TBC1D5: variants seen among roughly 807,000 people sequenced by gnomAD.
The protein encoded by TBC1D5 is TBC1 domain family member 5.
TBC1D5 carries 75 observed loss-of-function variants against 100.3 expected under a neutral mutation model. The ratio of observed to expected loss-of-function variants is 0.75; its 90% CI spans 0.62 to 0.91. The LOEUF is 0.91. TBC1D5 is among the 40% of genes least tolerant of loss of function. The pLI is 0.00. For synonymous variants in TBC1D5, 323 were observed against 325.6 expected (o/e 0.99, Z 0.09); for missense variants, 910 against 942.4 (o/e 0.97, Z 0.45).
chr3:17,382,897 G>T (rs183433311), intron 9 of TBC1D5, among the ~76,000 whole-genome samples: 1 of 151,802 alleles, frequency 6.6e-6, no homozygotes, highest in African/African-American at 2.4e-5. Flanking sequence ...TATCTTTATT[G>T]TTAATTTTTT....
chr3:17,338,851 C>A (rs2088380247), intron 13 of TBC1D5, among the ~76,000 whole-genome samples: 1 of 152,108 alleles, frequency 6.6e-6, no homozygotes, highest in Non-Finnish European at 1.5e-5. Context: ...AAATGAATGT[C>A]CATCATCTAA....
intron 18 of TBC1D5, among the ~76,000 whole-genome samples, chr3:17,211,038 T>C (rs1244588406): frequency 6.6e-6 from 1 of 152,234 alleles, no homozygotes; most frequent in Non-Finnish European, 1.5e-5. Context: ...TGTTTTCTTG[T>C]TCTGCATAGC....
intron 4 of TBC1D5, among the ~76,000 whole-genome samples, chr3:17,418,062 A>G: frequency 6.6e-6 from 1 of 152,178 alleles, no homozygotes; most frequent in East Asian, 1.9e-4. Context: ...TGTCTCTCTC[A>G]GAACATAACA....
At chr3:17,263,855 C>T (rs2078591831) in intron 15 of TBC1D5, among the ~76,000 whole-genome samples, 2 of 152,172 alleles carry the variant, frequency 1.3e-5, no homozygotes, top group South Asian at 2.1e-4. Flanking sequence ...AATCGACTTA[C>T]AATAATGCTT....
At chr3:17,182,175 C>T (rs1460950375) in intron 19 of TBC1D5, among the ~76,000 whole-genome samples, 1 of 152,104 alleles carries the variant, frequency 6.6e-6, no homozygotes, top group Non-Finnish European at 1.5e-5. Flanking sequence ...TTGTATTGTG[C>T]ATTTGAAGTG....
chr3:17,543,924 G>A (rs1417474196), intron 2 of TBC1D5, among the ~76,000 whole-genome samples: 1 of 151,416 alleles, frequency 6.6e-6, no homozygotes, highest in African/African-American at 2.4e-5. Context: ...CTGGAGTGCA[G>A]TGGCGCGATC....
rs117280366 is a variant in TBC1D5, at chr3:17,249,223, A to T, written c.1331+9283T>A. Among the ~76,000 whole-genome samples the T allele has an allele frequency of 2.0e-3, 306 of 152,216 alleles. 5 individuals are homozygous for T. Among genetic ancestry groups the T allele is most frequent in the Admixed American group, 0.014 (217 of 15,294 alleles). ...AGTAGCACTTTTAATTTCCTTCAAA[A>T]ACTTTTCCTTTGCTTTCATGATTTG... is the stretch of plus-strand genomic sequence containing the variant. On this transcript the variant is annotated intron_variant, in intron 16 of 21. Transcript: ENST00000253692.
At chr3:17,641,066 G>A (rs886183843) in intron 1 of TBC1D5, among the ~76,000 whole-genome samples, 1 of 151,920 alleles carries the variant, frequency 6.6e-6, no homozygotes, top group African/African-American at 2.4e-5. Context: ...ACAATTAAGT[G>A]AAATTATCGT....
chr3:17,342,176 T>G (rs1041398542), intron 13 of TBC1D5, among the ~76,000 whole-genome samples: 6 of 152,250 alleles, frequency 3.9e-5, no homozygotes, highest in Non-Finnish European at 7.3e-5. Flanking sequence ...AGACTTATCT[T>G]TGTCACTTCC....
chr3:17,576,321 G>A (rs2096657026), intron 2 of TBC1D5: 1 of 152,068 alleles, frequency 6.6e-6, no homozygotes, highest in African/African-American at 2.4e-5. Context: ...GTAAAGTACA[G>A]ATTTCGGTCA....
chr3:17,605,104 A>G (rs2061253713), intron 2 of TBC1D5, among the ~76,000 whole-genome samples: 1 of 152,018 alleles, frequency 6.6e-6, no homozygotes, highest in Non-Finnish European at 1.5e-5. Flanking sequence ...TTGGAGCAAA[A>G]CCTCCTCTTC....
At chr3:17,328,102 T>C (rs1171819031) in intron 13 of TBC1D5, among the ~76,000 whole-genome samples, 2 of 151,928 alleles carry the variant, frequency 1.3e-5, no homozygotes, top group Non-Finnish European at 2.9e-5. Flanking sequence ...AGACACTGTA[T>C]CTACAAAAAT....
intron 1 of TBC1D5, among the ~76,000 whole-genome samples, chr3:17,690,759 G>T (rs2071032020): frequency 6.6e-6 from 1 of 152,134 alleles, no homozygotes; most frequent in African/African-American, 2.4e-5. Context: ...ATCTAAGGTG[G>T]AACAGTTTCA....
intron 18 of TBC1D5, among the ~76,000 whole-genome samples, chr3:17,203,644 T>G (rs997890962): frequency 2.6e-5 from 4 of 152,160 alleles, no homozygotes; most frequent in African/African-American, 9.7e-5. Flanking sequence ...CTATTCTCGT[T>G]ATAGTGAGTT....
intron 3 of TBC1D5, among the ~76,000 whole-genome samples, chr3:17,483,298 C>G (rs949198558): frequency 2.6e-5 from 4 of 151,986 alleles, no homozygotes; most frequent in South Asian, 2.1e-4. Context: ...CCACCCCCCA[C>G]CCCACCCCAT....
intron 3 of TBC1D5, among the ~76,000 whole-genome samples, chr3:17,455,197 T>C (rs2095031066): frequency 7.0e-6 from 1 of 141,898 alleles, no homozygotes; most frequent in Non-Finnish European, 1.5e-5. Context: ...TGTGTGTATA[T>C]ATATGTATAT....
At chr3:17,416,684 T>A (rs1278110334) in intron 4 of TBC1D5, among the ~76,000 whole-genome samples, 1 of 152,234 alleles carries the variant, frequency 6.6e-6, no homozygotes, top group Non-Finnish European at 1.5e-5. Flanking sequence ...TAATCTTTTC[T>A]TTTTCTTTCC....
chr3:17,722,344 C>G (rs2075776411), intron 1 of TBC1D5, among the ~76,000 whole-genome samples: 2 of 152,000 alleles, frequency 1.3e-5, no homozygotes, highest in Admixed American at 1.3e-4. Context: ...ATGACATATC[C>G]TGGAGATGGG....
At chr3:17,465,258 C>T in intron 3 of TBC1D5, 1 of 159,168 alleles carries the variant, frequency 6.3e-6, no homozygotes, top group Non-Finnish European at 1.4e-5. Context: ...AGAAGCATGC[C>T]CATCAGGCAC....
Sources: allele counts gnomAD v4.1 joint callset (sites outside exome capture counted in the v4.1 genomes callset), GRCh38; gene constraint gnomAD v4.1.1; transcripts MANE v1.5; gene names NCBI Gene and HGNC (gene_info 2026-07-23, HGNC 2026-07-21).